PPP1R3A: variants seen among roughly 807,000 people sequenced by gnomAD.
PPP1R3A encodes the protein RG1.
Under a neutral mutation model 41.7 loss-of-function variants are expected in PPP1R3A, and 29 were observed. The observed-to-expected ratio is 0.70, with a 90% confidence interval of 0.52 to 0.95. The LOEUF (loss-of-function observed/expected upper bound fraction) is 0.95. Ranked by LOEUF, PPP1R3A falls within the 40% of genes least tolerant of loss-of-function variation. The pLI is 0.00. For missense variants in PPP1R3A, 1,352 were observed against 1,292.4 expected, an observed-to-expected ratio of 1.05 and a Z score of -0.71; for synonymous variants, 485 against 453.4, an observed-to-expected ratio of 1.07 and a Z score of -0.89.
chr7:113,890,171 T>C (rs1032997557), intron 1 of PPP1R3A, among the ~76,000 whole-genome samples: 3 of 152,114 alleles, frequency 2.0e-5, no homozygotes, highest in East Asian at 3.9e-4. Flanking sequence ...CACCAGCCAA[T>C]TGGTAGTCAA....
chr7:113,897,761 T>G (rs181067631), intron 1 of PPP1R3A, among the ~76,000 whole-genome samples: 2 of 151,754 alleles, frequency 1.3e-5, no homozygotes, highest in East Asian at 3.9e-4. Flanking sequence ...TACCAGAAAA[T>G]CCTAAGATGA....
At chr7:113,888,032 A>G (rs76046995) in intron 1 of PPP1R3A, among the ~76,000 whole-genome samples, 3 of 143,042 alleles carry the variant, frequency 2.1e-5, no homozygotes, top group Non-Finnish European at 3.1e-5. Flanking sequence ...TGTCTCAAGG[A>G]AAAAAAAAAA....
In PPP1R3A at chr7:113,881,900, G is replaced by A. The variant is rs147152170; in HGVS notation, c.966+139C>T. 7 of 934,848 alleles carry A rather than the reference G, an allele frequency of 7.5e-6. No individual in the cohort carries two copies. The African/African-American group carries it at 9.8e-5, about 13-fold the overall frequency. The allele number at this position is 934,848 out of a possible 1,614,324, so 57.9% of individuals were successfully genotyped here. The stretch of plus-strand genomic sequence containing the variant: ...TCAAAGTGCCTTGTTGATCAAGCTA[G>A]AGACGCAAGGACAGAATAGGCTGTG... On this transcript the variant is annotated intron_variant, in intron 3 of 3. Transcript: ENST00000284601.
At chr7:113,910,859 T>G (rs1372361018) in intron 1 of PPP1R3A, among the ~76,000 whole-genome samples, 1 of 152,140 alleles carries the variant, frequency 6.6e-6, no homozygotes, top group Non-Finnish European at 1.5e-5. Flanking sequence ...TGTTTTCACA[T>G]AATTAGGAAA....
intron 1 of PPP1R3A, among the ~76,000 whole-genome samples, chr7:113,916,275 T>C (rs1797341469): frequency 6.6e-6 from 1 of 152,108 alleles, no homozygotes; most frequent in South Asian, 2.1e-4. Flanking sequence ...TGTGGTTTAG[T>C]TCTTCTCAGG....
rs1026664415 is a variant in PPP1R3A at position 113,876,938 on chromosome 7, C to A, written c.*785G>T. On this transcript the variant is annotated 3_prime_UTR_variant, in exon 4 of 4. Coordinates refer to ENST00000284601, the MANE Select transcript of PPP1R3A (RefSeq NM_002711.4). ...GAAATTTTAATTTACATTTTCAATTCTGAATAGTTGACACTGAAATAGTTC... is the reference window on the plus strand; with the variant it reads ...GAAATTTTAATTTACATTTTCAATTATGAATAGTTGACACTGAAATAGTTC... 6.6e-6 allele frequency: 1 copy of A among 151,922 alleles called. No individual in the cohort carries two copies. The highest frequency in any genetic ancestry group is 2.4e-5 in the African/African-American group (1 of 41,392). The allele number at this position is 151,922 out of a possible 1,614,324, so 9.4% of individuals were successfully genotyped here. A position where few individuals can be genotyped will look rare whatever the true frequency, so the allele number is the denominator to read the frequency against.
chr7:113,895,540 C>A (rs1013039242), intron 1 of PPP1R3A, among the ~76,000 whole-genome samples: 1 of 151,846 alleles, frequency 6.6e-6, no homozygotes, highest in African/African-American at 2.4e-5. Flanking sequence ...AGTATTTACT[C>A]TATGTTTTTG....
rs747073558 is a variant in PPP1R3A, at chr7:113,879,320, C to A, written c.1772G>T (p.Trp591Leu). The change falls in exon 4 of 4, where the codon TGG (tryptophan) becomes TTG (leucine). Residue 591 changes from tryptophan to leucine, a missense_variant. Trp to Leu is a moderately conservative substitution (Grantham distance 61). Transcript: ENST00000284601. Reference sequence around the variant, plus strand: ...CTCTGGGGTTAACACAGCTTCTTCCCAACTTAAATTTGTCCTTGGTGAATG... The same window carrying A: ...CTCTGGGGTTAACACAGCTTCTTCCAAACTTAAATTTGTCCTTGGTGAATG... The part of the protein sequence containing the change: ...VSHSPRTNLS[W>L]EEAVLTPEHH... 6.2e-7 allele frequency: 1 copy of A among 1,613,426 alleles called. No homozygotes were observed. Among genetic ancestry groups the A allele is most frequent in the Non-Finnish European group, 8.5e-7 (1 of 1,179,712 alleles).
chr7:113,891,662 G>C (rs1796892108), intron 1 of PPP1R3A, among the ~76,000 whole-genome samples: 1 of 151,962 alleles, frequency 6.6e-6, no homozygotes, highest in Non-Finnish European at 1.5e-5. Context: ...TCAGTGCCAG[G>C]ATTTAGACAC....
At chr7:113,907,303 A>G (rs1202496415) in intron 1 of PPP1R3A, among the ~76,000 whole-genome samples, 1 of 151,792 alleles carries the variant, frequency 6.6e-6, no homozygotes, top group Non-Finnish European at 1.5e-5. Context: ...ATTTCAGCAT[A>G]TTAAGGGTAC....
intron 1 of PPP1R3A, among the ~76,000 whole-genome samples, chr7:113,911,040 G>A (rs1462949241): frequency 6.6e-6 from 1 of 152,082 alleles, no homozygotes; most frequent in Admixed American, 6.6e-5. Context: ...GACTTGAATA[G>A]TGCTGATATA....
chr7:113,882,854 A>C (rs1349096067), intron 1 of PPP1R3A, among the ~76,000 whole-genome samples: 1 of 152,048 alleles, frequency 6.6e-6, no homozygotes, highest in East Asian at 1.9e-4. Context: ...TAAAAGTAAG[A>C]AAGAAACAAG....
chr7:113,909,092 A>AC (rs1345605992), intron 1 of PPP1R3A, among the ~76,000 whole-genome samples: 1 of 151,960 alleles, frequency 6.6e-6, no homozygotes, highest in Non-Finnish European at 1.5e-5. Flanking sequence ...TATGCAATAA[A>AC]CCCATGTAAC....
chr7:113,878,377 G>A lies in PPP1R3A; in HGVS notation c.2715C>T (p.Asp905=), dbSNP rs1462057590. The A allele has an allele frequency of 6.2e-7, 1 of 1,612,192 alleles. No individual in the cohort carries two copies. Residue 905 remains aspartate (D), a synonymous_variant, in exon 4 of 4, where the codon GAC becomes GAT. Coordinates refer to ENST00000284601, the MANE Select transcript of PPP1R3A (RefSeq NM_002711.4). The stretch of plus-strand genomic sequence containing the variant: ...AGCTATTCTGAGGAGCTCTATTAGT[G>A]TCTGAGTTAAAAGCAGAATGCACAA... ...DAIVHSAFNS[D]TNRAPQNSSP... is the part of the protein sequence containing the mutation.
chr7:113,897,707 C>G (rs938811415), intron 1 of PPP1R3A, among the ~76,000 whole-genome samples: 1 of 151,820 alleles, frequency 6.6e-6, no homozygotes, highest in African/African-American at 2.4e-5. Flanking sequence ...ACAACTTGCC[C>G]CATTGAAGGC....
intron 1 of PPP1R3A, among the ~76,000 whole-genome samples, chr7:113,887,223 C>T (rs1055213429): frequency 6.6e-5 from 10 of 151,738 alleles, no homozygotes; most frequent in African/African-American, 2.4e-4. Context: ...AATAATGAGT[C>T]AAGATTTAAG....
chr7:113,909,130 A>G (rs948334375), intron 1 of PPP1R3A, among the ~76,000 whole-genome samples: 1 of 151,972 alleles, frequency 6.6e-6, no homozygotes, highest in African/African-American at 2.4e-5. Flanking sequence ...CCTTGAATCT[A>G]AAATAAAATA....
At chr7:113,914,566 T>A (rs1584422418) in intron 1 of PPP1R3A, among the ~76,000 whole-genome samples, 1 of 152,120 alleles carries the variant, frequency 6.6e-6, no homozygotes, top group East Asian at 1.9e-4. Flanking sequence ...AGCTGAAAAT[T>A]TAGAAGCCCT....
chr7:113,885,826 T>TA (rs1300058061), intron 1 of PPP1R3A, among the ~76,000 whole-genome samples: 5 of 149,040 alleles, frequency 3.4e-5, no homozygotes, highest in African/African-American at 9.8e-5. Context: ...TTGCCATATA[T>TA]ATTATAAATT....
Sources: gnomAD v4.1 joint callset for allele counts (sites outside exome capture counted in the v4.1 genomes callset) on GRCh38, gnomAD v4.1.1 for gene constraint, MANE v1.5 for transcripts, NCBI Gene and HGNC (gene_info 2026-07-23, HGNC 2026-07-21) for gene names.